The following ATP13A4 variants were observed in gnomAD, a reference collection of about 807,000 sequenced individuals.
ATP13A4 encodes the protein probable cation-transporting ATPase 13A4.
Under a neutral mutation model 142.5 loss-of-function variants are expected in ATP13A4, and 114 were observed. The observed-to-expected ratio is 0.80, with a 90% CI of 0.69 to 0.93. ATP13A4 has a LOEUF of 0.93. ATP13A4 is among the 40% of genes least tolerant of loss of function. ATP13A4 has a pLI of 0.00. For synonymous variants in ATP13A4, 488 were observed against 514.8 expected, an observed-to-expected ratio of 0.95 and a Z score of 0.70; for missense variants, 1,392 against 1,454.0, an observed-to-expected ratio of 0.96 and a Z score of 0.69.
At chr3:193,501,594 A>G (rs955319826) in intron 3 of ATP13A4, among the ~76,000 whole-genome samples, 1 of 151,944 alleles carries the variant, frequency 6.6e-6, no homozygotes, top group African/African-American at 2.4e-5. Context: ...ATTTAAAAAA[A>G]AAAAAAAAAA....
In ATP13A4 at chr3:193,435,701, A is replaced by G; in HGVS notation, c.2716T>C (p.Tyr906His). ...TGAATCATGCTGTACAGAGCCATGT[A>G]CTTAAACATGCAAAAGGAGGTAACG... ...ALVTSFCMFK[Y>H]MALYSMIQYV... is the part of the protein sequence containing the mutation. Residue 906 changes from tyrosine to histidine, a missense_variant, in exon 24 of 30, where the codon TAC becomes CAC. Coordinates refer to ENST00000342695, the MANE Select transcript of ATP13A4 (RefSeq NM_032279.4). 2 of 1,614,148 alleles carry G rather than the reference A, an allele frequency of 1.2e-6. No individual in the cohort carries two copies. Among genetic ancestry groups the G allele is most frequent in the Admixed American group, 1.7e-5 (1 of 60,024 alleles).
At chr3:193,416,785 GAA>G (rs1715087352) in intron 25 of ATP13A4, among the ~76,000 whole-genome samples, 1 of 151,976 alleles carries the variant, frequency 6.6e-6, no homozygotes, top group Non-Finnish European at 1.5e-5. Flanking sequence ...GGAGAGAAGA[GAA>G]AGAGACAAAA....
At chr3:193,577,920 T>C (rs181431416) in intron 2 of ATP13A4, among the ~76,000 whole-genome samples, 1 of 152,258 alleles carries the variant, frequency 6.6e-6, no homozygotes, top group East Asian at 1.9e-4. Context: ...TCAATCTCTT[T>C]CATTCTCTCT....
At chr3:193,592,964 T>A (rs984675028) in intron 1 of ATP13A4, 1 of 210,348 alleles carries the variant, frequency 4.8e-6, no homozygotes, top group African/African-American at 2.3e-5. Flanking sequence ...ATTCCACGCC[T>A]TTAGCCCTTC....
intron 3 of ATP13A4, among the ~76,000 whole-genome samples, chr3:193,497,434 T>C (rs1333291033): frequency 6.6e-6 from 1 of 152,088 alleles, no homozygotes; most frequent in Non-Finnish European, 1.5e-5. Flanking sequence ...CTAGCAAGGA[T>C]ATAAAGAGAT....
chr3:193,563,211 A>G (rs1724055821), intron 2 of ATP13A4, among the ~76,000 whole-genome samples: 1 of 152,228 alleles, frequency 6.6e-6, no homozygotes, highest in African/African-American at 2.4e-5. Flanking sequence ...TTCTTGTTTA[A>G]GAACAGGAAA....
chr3:193,573,793 T>C (rs1019585302), intron 2 of ATP13A4, among the ~76,000 whole-genome samples: 3 of 152,242 alleles, frequency 2.0e-5, no homozygotes, highest in Non-Finnish European at 4.4e-5. Context: ...AAATAAAATT[T>C]AGCCTTTGTA....
chr3:193,469,770 G>A (rs1459830919), intron 9 of ATP13A4, among the ~76,000 whole-genome samples: 1 of 152,196 alleles, frequency 6.6e-6, no homozygotes, highest in Non-Finnish European at 1.5e-5. Context: ...AAATAACTGT[G>A]GCCTGTTCTG....
chr3:193,408,458 C>G (rs1214437999), intron 28 of ATP13A4, among the ~76,000 whole-genome samples: 1 of 152,088 alleles, frequency 6.6e-6, no homozygotes, highest in African/African-American at 2.4e-5. Flanking sequence ...AATGTATGTA[C>G]TGATATGGAA....
chr3:193,554,189 C>T (rs9845706), intron 1 of ATP13A4: 2,874 of 159,506 alleles, frequency 0.018, 61 homozygotes, highest in African/African-American at 0.058. Flanking sequence ...AATGAGGAAG[C>T]CACAAAAGTA....
intron 1 of ATP13A4, among the ~76,000 whole-genome samples, chr3:193,548,925 A>C (rs1723381731): frequency 6.6e-6 from 1 of 152,218 alleles, no homozygotes; most frequent in East Asian, 1.9e-4. Flanking sequence ...TCAGTTACAA[A>C]ATTAAGAGAT....
chr3:193,499,435 A>ATTTT (rs1274249117), intron 3 of ATP13A4, among the ~76,000 whole-genome samples: 1 of 152,194 alleles, frequency 6.6e-6, no homozygotes, highest in Non-Finnish European at 1.5e-5. Flanking sequence ...CACAGCTACT[A>ATTTT]TTTTTTGGGC....
intron 28 of ATP13A4, among the ~76,000 whole-genome samples, 184 bp from the exon 29 acceptor site, chr3:193,407,577 A>G: frequency 6.6e-6 from 1 of 152,056 alleles, no homozygotes; most frequent in Admixed American, 6.5e-5. Flanking sequence ...AAAGTACGGA[A>G]AGGTTATACT....
intron 3 of ATP13A4, among the ~76,000 whole-genome samples, chr3:193,494,735 C>G (rs56161207): frequency 4.0e-5 from 6 of 151,424 alleles, no homozygotes; most frequent in East Asian, 1.9e-4. Context: ...CAAACTAAAT[C>G]CAAAATTAAT....
intron 5 of ATP13A4, 22 bp downstream of exon 5, chr3:193,492,894 AT>A: frequency 1.9e-6 from 3 of 1,545,224 alleles, no homozygotes; most frequent in Non-Finnish European, 2.7e-6. Context: ...TTGAGCTAGT[AT>A]AGGCAATAAT....
chr3:193,465,176 C>A, intron 11 of ATP13A4, 48 bp from the exon 12 acceptor site: 2 of 1,580,118 alleles, frequency 1.3e-6, no homozygotes, highest in Non-Finnish European at 1.7e-6. Flanking sequence ...CTCTGATGAA[C>A]AGCATATGAC....
chr3:193,472,169 G>A (rs989442853), intron 8 of ATP13A4, among the ~76,000 whole-genome samples: 6 of 152,174 alleles, frequency 3.9e-5, no homozygotes, highest in African/African-American at 9.7e-5. Flanking sequence ...CCATGGTTTC[G>A]GTTACCTGCA....
At chr3:193,592,305 G>A (rs1577094022) in intron 1 of ATP13A4, among the ~76,000 whole-genome samples, 2 of 152,266 alleles carry the variant, frequency 1.3e-5, no homozygotes, top group Admixed American at 1.3e-4. Context: ...TGTGTTGGAA[G>A]GGGAAAGGAG....
In ATP13A4 at chr3:193,514,596, C is replaced by G. The variant is rs1440836005; in HGVS notation, c.234+102G>C. On this transcript the variant is annotated intron_variant, in intron 2 of 29. Transcript: ENST00000342695. ...CTAAGGAACCAAAGACTGGAGCCTCCACCTGCTATCTGTCTTGTGCACATC... is the reference window on the plus strand; with the variant it reads ...CTAAGGAACCAAAGACTGGAGCCTCGACCTGCTATCTGTCTTGTGCACATC... 4.1e-6 allele frequency: 6 copies of G among 1,458,440 alleles called. No homozygotes were observed. In the East Asian group the frequency reaches 1.5e-4, roughly 37 times the overall value. The allele number at this position is 1,458,440 out of a possible 1,614,324, so 90.3% of individuals were successfully genotyped here. A position where few individuals can be genotyped will look rare whatever the true frequency, so the allele number is the denominator to read the frequency against.
Sources: allele counts gnomAD v4.1 joint callset (sites outside exome capture counted in the v4.1 genomes callset), GRCh38; gene constraint gnomAD v4.1.1; transcripts MANE v1.5; gene names NCBI Gene and HGNC (gene_info 2026-07-23, HGNC 2026-07-21).